Variants in KIAA1671 observed in about 807,000 individuals in gnomAD.
The protein encoded by KIAA1671 is KIAA1671, also known as uncharacterized protein KIAA1671.
In KIAA1671, 52 loss-of-function variants were observed where a neutral mutation model predicts 131.2. That is an observed-to-expected ratio of 0.40 (90% confidence interval 0.32 to 0.50). The LOEUF (loss-of-function observed/expected upper bound fraction) is 0.50. Ranked by LOEUF, KIAA1671 falls within the 20% of genes least tolerant of loss-of-function variation. The pLI is 0.73. For missense variants in KIAA1671, 2,360 were observed against 2,364.2 expected (o/e 1.00, Z 0.04); for synonymous variants, 1,003 against 961.6 (o/e 1.04, Z -0.80).
At chr22:25,179,731 G>A (rs1472192003) in intron 9 of KIAA1671, among the ~76,000 whole-genome samples, 1 of 152,200 alleles carries the variant, frequency 6.6e-6, no homozygotes, top group Non-Finnish European at 1.5e-5. Context: ...CAGAGACATA[G>A]CTTAATAAGG....
intron 1 of KIAA1671, among the ~76,000 whole-genome samples, chr22:24,981,033 C>T (rs1923204942): frequency 6.6e-6 from 1 of 151,776 alleles, no homozygotes; most frequent in Non-Finnish European, 1.5e-5. Context: ...AGGCATGAGC[C>T]ACCATGCCCG....
Position 25,028,339 on chromosome 22 carries a change from G to C in KIAA1671, c.340G>C (p.Val114Leu). ...TCTGGACAACAGGATGCCCGGCTTG[G>C]TGGGGCAGGAGGTGGGCAGTGGGGA... ...KDLDNRMPGL[V>L]GQEVGSGEGP... Residue 114 changes from valine to leucine, a missense_variant, in exon 3 of 13, where the codon GTG becomes CTG. Transcript: ENST00000358431. 1 of 1,550,860 alleles carries C rather than the reference G, an allele frequency of 6.4e-7. No individual in the cohort carries two copies. The highest frequency in any genetic ancestry group is 2.0e-5 in the Admixed American group (1 of 51,010).
chr22:25,045,136 G>T (rs1233733334), intron 5 of KIAA1671, among the ~76,000 whole-genome samples: 2 of 152,080 alleles, frequency 1.3e-5, no homozygotes, highest in African/African-American at 4.8e-5. Flanking sequence ...ACTCCAGCCT[G>T]GGCGACAGAG....
intron 3 of KIAA1671, 83 bp from the exon 4 acceptor site, chr22:25,032,526 G>T: frequency 1.3e-6 from 1 of 780,198 alleles, no homozygotes; most frequent in Non-Finnish European, 2.1e-6. Context: ...AAGGTTACTT[G>T]GCCTGGCCTC....
At chr22:25,015,273 T>C in intron 1 of KIAA1671, among the ~76,000 whole-genome samples, 1 of 143,026 alleles carries the variant, frequency 7.0e-6, no homozygotes, top group African/African-American at 2.6e-5. Flanking sequence ...CAACCATAGA[T>C]AATATGTAAA....
chr22:25,093,506 T>TGAACACAG (rs1930121673), intron 6 of KIAA1671, among the ~76,000 whole-genome samples: 1 of 152,112 alleles, frequency 6.6e-6, no homozygotes, highest in Admixed American at 6.5e-5. Context: ...CTGCTGGCAG[T>TGAACACAG]TCATTACTGC....
chr22:24,962,569 C>T (rs1472164438), intron 1 of KIAA1671, among the ~76,000 whole-genome samples: 24 of 152,204 alleles, frequency 1.6e-4, no homozygotes, highest in Admixed American at 1.5e-3. Context: ...TCAGTTTTCT[C>T]ATCTGTAAGC....
At chr22:25,182,421 C>A (rs1568996790) in intron 10 of KIAA1671, among the ~76,000 whole-genome samples, 2 of 150,518 alleles carry the variant, frequency 1.3e-5, no homozygotes, top group African/African-American at 4.9e-5. Context: ...CCTTTTTTAT[C>A]CTTCTTTTTT....
At chr22:25,001,265 A>C (rs1924467678) in intron 1 of KIAA1671, among the ~76,000 whole-genome samples, 1 of 151,808 alleles carries the variant, frequency 6.6e-6, no homozygotes, top group South Asian at 2.1e-4. Context: ...GTGTGTGTAT[A>C]TATATGCATG....
At chr22:25,179,104 C>T (rs925457948) in intron 9 of KIAA1671, among the ~76,000 whole-genome samples, 131 of 152,330 alleles carry the variant, frequency 8.6e-4, no homozygotes, top group African/African-American at 3.1e-3. Flanking sequence ...CCGCGTCTCA[C>T]GCCCGGCGGC....
intron 1 of KIAA1671, among the ~76,000 whole-genome samples, chr22:25,019,750 T>C (rs777241432): frequency 2.0e-5 from 3 of 152,100 alleles, no homozygotes; most frequent in Non-Finnish European, 2.9e-5. Flanking sequence ...TTCCTGTGCA[T>C]ACCCCCTTAC....
intron 1 of KIAA1671, among the ~76,000 whole-genome samples, chr22:25,021,215 A>G (rs1209189608): frequency 6.6e-6 from 1 of 152,006 alleles, no homozygotes; most frequent in Non-Finnish European, 1.5e-5. Flanking sequence ...GCACCACTAC[A>G]CCTGGCTAAT....
chr22:25,044,658 C>T (rs1195940726), intron 5 of KIAA1671, among the ~76,000 whole-genome samples: 2 of 151,740 alleles, frequency 1.3e-5, no homozygotes, highest in African/African-American at 4.8e-5. Flanking sequence ...AAAAACACAC[C>T]AATACAGAAG....
chr22:25,003,715 T>C (rs1475142387), intron 1 of KIAA1671, among the ~76,000 whole-genome samples: 1 of 151,866 alleles, frequency 6.6e-6, no homozygotes. Context: ...CCCGGCCCAC[T>C]TGGAGATAAT....
rs1380271336 is a variant in KIAA1671, at chr22:25,196,844, C to T, written c.*4443C>T. On this transcript the variant is annotated 3_prime_UTR_variant, in exon 13 of 13. Transcript: ENST00000358431. ...TTATGGAAGATAATTTTGTACTGTG[C>T]TGTTTCCTAAATCATACCAATATCC... 1 of 152,036 alleles carries T rather than the reference C, an allele frequency of 6.6e-6. No individual in the cohort carries two copies. The highest frequency in any genetic ancestry group is 1.5e-5 in the Non-Finnish European group (1 of 68,018). 9.4% of individuals were successfully genotyped at this position (152,036 alleles called of 1,614,324 possible). A position where few individuals can be genotyped will look rare whatever the true frequency, so the allele number is the denominator to read the frequency against.
intron 6 of KIAA1671, among the ~76,000 whole-genome samples, chr22:25,158,408 A>G (rs918110407): frequency 3.9e-5 from 6 of 152,170 alleles, no homozygotes; most frequent in African/African-American, 1.4e-4. Context: ...TACAGTTTAG[A>G]GAACACAGTC....
At chr22:25,049,679 T>G (rs2062619715) in intron 6 of KIAA1671, 2 of 272,436 alleles carry the variant, frequency 7.3e-6, no homozygotes, top group African/African-American at 2.2e-5. Context: ...CGGTCTCCTG[T>G]CAACCTCTTT....
At position 25,177,193 on chromosome 22, in the gene KIAA1671, G is replaced by A. The variant is rs558183182; in HGVS notation, c.4900-155G>A. On this transcript the variant is annotated intron_variant, in intron 8 of 12. Coordinates refer to ENST00000358431, the MANE Select transcript of KIAA1671 (RefSeq NM_001145206.2). ...TTATGGGGAAATTTAGGCTTTGGGT[G>A]TTAGGTTACTATTAAAATGTGGAAG... 1.9e-4 allele frequency: 133 copies of A among 692,412 alleles called. 2 individuals are homozygous for A. The South Asian group carries it at 2.5e-3, about 13-fold the overall frequency. 42.9% of individuals were successfully genotyped at this position (692,412 alleles called of 1,614,324 possible). A position where few individuals can be genotyped will look rare whatever the true frequency, so the allele number is the denominator to read the frequency against.
At chr22:24,958,322 C>T (rs1033081096) in intron 1 of KIAA1671, among the ~76,000 whole-genome samples, 5 of 151,742 alleles carry the variant, frequency 3.3e-5, no homozygotes, top group Admixed American at 6.6e-5. Flanking sequence ...GAGTTTGAGA[C>T]CAGCCTGGGC....
Sources: gnomAD v4.1 joint callset for allele counts (sites outside exome capture counted in the v4.1 genomes callset) on GRCh38, gnomAD v4.1.1 for gene constraint, MANE v1.5 for transcripts, NCBI Gene and HGNC (gene_info 2026-07-23, HGNC 2026-07-21) for gene names.